FANCC: variants seen among roughly 807,000 people sequenced by gnomAD.
The protein encoded by FANCC is FA complementation group C.
Under a neutral mutation model 71.3 loss-of-function variants are expected in FANCC, and 55 were observed. The observed-to-expected ratio is 0.77, with a 90% confidence interval of 0.62 to 0.97. FANCC has a LOEUF of 0.97. FANCC is among the 50% of genes least tolerant of loss of function. The probability of loss-of-function intolerance (pLI) is 0.00; values close to 1 mark genes in which losing one functional copy is unlikely to be tolerated. For synonymous variants in FANCC, 275 were observed against 244.9 expected, an observed-to-expected ratio of 1.12 and a Z score of -1.15; for missense variants, 678 against 670.9, an observed-to-expected ratio of 1.01 and a Z score of -0.12.
At position 95,117,358 on chromosome 9, in the gene FANCC, G is replaced by GT; in HGVS notation, c.1028dup (p.Tyr343Ter). 6.2e-7 allele frequency: 1 copy of GT among 1,614,090 alleles called. No homozygotes were observed. Among genetic ancestry groups the GT allele is most frequent in the Non-Finnish European group, 8.5e-7 (1 of 1,179,998 alleles). The change falls in exon 11 of 15, where the codon TAC (tyrosine) becomes TAAC (stop). Residue 343 changes from tyrosine to a stop codon, truncating the protein, a stop_gained and frameshift_variant. Transcript: ENST00000289081. LOFTEE classifies it high-confidence loss of function. The part of the protein sequence containing the change: ...LRFALKTYFP[Y>*]TSPSLAMVLL... ...GCACCATGGCAAGAGATGGAGAAGT[G>GT]TAAGGAAAGTAGGTCTTGAGTGCAA... is the stretch of plus-strand genomic sequence containing the variant.
intron 6 of FANCC, among the ~76,000 whole-genome samples, chr9:95,153,718 T>C (rs1830306996): frequency 1.3e-5 from 2 of 152,206 alleles, no homozygotes; most frequent in Non-Finnish European, 1.5e-5. Flanking sequence ...TACTAGTCCT[T>C]TGTCAGATGC....
intron 6 of FANCC, among the ~76,000 whole-genome samples, chr9:95,164,280 T>C (rs1359513471): frequency 6.6e-6 from 1 of 152,240 alleles, no homozygotes; most frequent in Non-Finnish European, 1.5e-5. Context: ...TTGACCTTTA[T>C]TTCTTTTTCT....
chr9:95,166,983 G>C (rs1019709346), intron 6 of FANCC, among the ~76,000 whole-genome samples: 1 of 152,058 alleles, frequency 6.6e-6, no homozygotes, highest in Non-Finnish European at 1.5e-5. Flanking sequence ...TTGTAAGGCA[G>C]GTCTAATGGT....
At chr9:95,174,529 T>G (rs1825891886) in intron 4 of FANCC, among the ~76,000 whole-genome samples, 2 of 151,174 alleles carry the variant, frequency 1.3e-5, no homozygotes, top group African/African-American at 4.9e-5. Flanking sequence ...TATATTAACA[T>G]TATATATATA....
rs945289900 is a variant in FANCC, at chr9:95,100,792, C to T, written c.*915G>A. On this transcript the variant is annotated 3_prime_UTR_variant, in exon 15 of 15. Coordinates refer to ENST00000289081, the MANE Select transcript of FANCC (RefSeq NM_000136.3). ...ATTACAGATGCATGCCATTGCACCC[C>T]GATAATTTTTGTATTTTTAGTAGAG... 3 of 225,142 alleles carry T rather than the reference C, an allele frequency of 1.3e-5. No individual in the cohort carries two copies. The highest frequency in any genetic ancestry group is 5.7e-5 in the Admixed American group (1 of 17,492). 13.9% of individuals were successfully genotyped at this position (225,142 alleles called of 1,614,324 possible).
At chr9:95,105,274 A>G (rs1376095761) in intron 14 of FANCC, among the ~76,000 whole-genome samples, 1 of 152,180 alleles carries the variant, frequency 6.6e-6, no homozygotes, top group Admixed American at 6.5e-5. Context: ...GACTTTCTGT[A>G]CATGGACATT....
Position 95,141,311 on chromosome 9 carries a change from C to CAAAAAA in FANCC, c.687-5815_687-5810dup, listed in dbSNP as rs66627467. On this transcript the variant is annotated intron_variant, in intron 7 of 14. Transcript: ENST00000289081. ...TGGGTGACAGAGTGAGACCCTGTCTCAAAAAAAAAAAAAAAAAAAAAAAAA... is the reference window on the plus strand; with the variant it reads ...TGGGTGACAGAGTGAGACCCTGTCTCAAAAAAAAAAAAAAAAAAAAAAAAAAAAAAA... Among the ~76,000 whole-genome samples the CAAAAAA allele has an allele frequency of 1.6e-4, 9 of 54,882 alleles. No individual in the cohort carries two copies. In the East Asian group the frequency reaches 6.2e-3, roughly 38 times the overall value. 36.0% of individuals were successfully genotyped at this position (54,882 alleles called of 152,430 possible). A position where few individuals can be genotyped will look rare whatever the true frequency, so the allele number is the denominator to read the frequency against.
chr9:95,114,376 C>T (rs535595062), intron 12 of FANCC: 17 of 529,822 alleles, frequency 3.2e-5, no homozygotes, highest in East Asian at 2.8e-4. Context: ...TAAAACCAGA[C>T]GTTAATGTAG....
chr9:95,214,742 T>C (rs1049960401), intron 4 of FANCC, among the ~76,000 whole-genome samples: 1 of 152,146 alleles, frequency 6.6e-6, no homozygotes, highest in Admixed American at 6.5e-5. Flanking sequence ...CTTAGTGGAG[T>C]AAGTCAGACA....
At chr9:95,294,820 T>C (rs1254055854) in intron 1 of FANCC, 7 of 1,532,692 alleles carry the variant, frequency 4.6e-6, no homozygotes, top group Middle Eastern at 1.8e-4. Flanking sequence ...AAACTAACAG[T>C]GGAGTCCATG....
chr9:95,274,294 A>C (rs1336688237), intron 1 of FANCC, among the ~76,000 whole-genome samples: 13 of 152,020 alleles, frequency 8.6e-5, no homozygotes, highest in African/African-American at 2.7e-4. Flanking sequence ...CTGTTCCTGT[A>C]TTAGTTTGCT....
intron 1 of FANCC, among the ~76,000 whole-genome samples, chr9:95,286,912 T>C (rs538432744): frequency 2.0e-4 from 31 of 152,308 alleles, no homozygotes; most frequent in African/African-American, 7.2e-4. Context: ...CTGAATTCTG[T>C]ATCTCATTTA....
rs373065061 is a variant in FANCC, at chr9:95,146,023, G to A, written c.686+3900C>T. Among the ~76,000 whole-genome samples the A allele has an allele frequency of 4.3e-4, 65 of 151,902 alleles. No individual in the cohort carries two copies. In the East Asian group the frequency reaches 8.7e-3, roughly 20 times the overall value. On this transcript the variant is annotated intron_variant, in intron 7 of 14. Transcript: ENST00000289081. Reference sequence around the variant, plus strand: ...AAACCAACTGGAAGAAAAATTCTAAGACAATCAGGATAATTTAATTCCTGA... The same window carrying A: ...AAACCAACTGGAAGAAAAATTCTAAAACAATCAGGATAATTTAATTCCTGA...
chr9:95,101,949 G>A, intron 14 of FANCC, 99 bp from the exon 15 acceptor site: 4 of 1,353,428 alleles, frequency 3.0e-6, no homozygotes, highest in East Asian at 2.3e-5. Context: ...CCTGAAAGAA[G>A]CCCTATCCAG....
chr9:95,279,841 G>A (rs920461789), intron 1 of FANCC, among the ~76,000 whole-genome samples: 1 of 151,534 alleles, frequency 6.6e-6, no homozygotes, highest in Non-Finnish European at 1.5e-5. Context: ...CCAGCTACTC[G>A]GGTGGGTGAG....
intron 7 of FANCC, among the ~76,000 whole-genome samples, chr9:95,136,802 A>T (rs1213341977): frequency 6.6e-6 from 1 of 152,200 alleles, no homozygotes; most frequent in African/African-American, 2.4e-5. Context: ...CATTTTGTGT[A>T]GCTACATTTG....
At chr9:95,123,807 C>T in intron 10 of FANCC, 9 of 691,612 alleles carry the variant, frequency 1.3e-5, no homozygotes, top group South Asian at 9.5e-5. Context: ...AAGGACTGAA[C>T]ACCCCTACTC....
intron 1 of FANCC, among the ~76,000 whole-genome samples, chr9:95,263,517 T>A (rs1334300270): frequency 6.9e-6 from 1 of 145,766 alleles, no homozygotes; most frequent in Non-Finnish European, 1.5e-5. Context: ...TATATATATA[T>A]CTATATATAT....
chr9:95,284,904 A>ACAC (rs1564827062), intron 1 of FANCC, among the ~76,000 whole-genome samples: 9 of 150,940 alleles, frequency 6.0e-5, no homozygotes, highest in African/African-American at 2.2e-4. Context: ...ACACACACAC[A>ACAC]AACATACGCA....
Sources: allele counts gnomAD v4.1 joint callset (sites outside exome capture counted in the v4.1 genomes callset), GRCh38; gene constraint gnomAD v4.1.1; transcripts MANE v1.5; gene names NCBI Gene and HGNC (gene_info 2026-07-23, HGNC 2026-07-21).